XYLT1: variants seen among roughly 807,000 people sequenced by gnomAD.
XYLT1 encodes beta-D-xylosyltransferase 1.
In XYLT1, 36 loss-of-function variants were observed where a neutral mutation model predicts 91.3. The observed-to-expected ratio is 0.39, with a 90% CI of 0.30 to 0.52. The LOEUF (loss-of-function observed/expected upper bound fraction) is 0.52, where lower values mean the gene tolerates loss of function less well. Among genes scored for constraint, XYLT1 ranks in the 20% least tolerant of loss-of-function variants. The pLI is 0.68. For missense variants in XYLT1, 1,242 were observed against 1,284.5 expected (o/e 0.97, Z 0.51); for synonymous variants, 588 against 532.0 (o/e 1.11, Z -1.45).
At chr16:17,216,455 G>A (rs1440033296) in intron 3 of XYLT1, among the ~76,000 whole-genome samples, 2 of 152,090 alleles carry the variant, frequency 1.3e-5, no homozygotes, top group South Asian at 2.1e-4. Flanking sequence ...GGCCATTAAC[G>A]CTGCCTCCTG....
chr16:17,196,042 T>C (rs2032421175), intron 5 of XYLT1, among the ~76,000 whole-genome samples: 1 of 152,242 alleles, frequency 6.6e-6, no homozygotes, highest in Non-Finnish European at 1.5e-5. Flanking sequence ...GTCTTTCTAG[T>C]GCCTGTCATT....
intron 3 of XYLT1, among the ~76,000 whole-genome samples, chr16:17,207,052 CTTTTTTTTTTTT>C (rs1211378641): frequency 2.5e-5 from 3 of 121,086 alleles, no homozygotes; most frequent in African/African-American, 9.4e-5. Flanking sequence ...TCTTTTCTTT[CTTTTTTTTTTTT>C]TTTTTTTTTT....
intron 2 of XYLT1, among the ~76,000 whole-genome samples, chr16:17,297,437 TG>T (rs1567361941): frequency 6.6e-6 from 1 of 151,090 alleles, no homozygotes; most frequent in Non-Finnish European, 1.5e-5. Flanking sequence ...AAAACTTAGC[TG>T]GGTATCATGG....
intron 1 of XYLT1, among the ~76,000 whole-genome samples, chr16:17,399,304 G>C (rs1202847154): frequency 6.6e-6 from 1 of 152,086 alleles, no homozygotes; most frequent in Non-Finnish European, 1.5e-5. Flanking sequence ...TAAAGACCTG[G>C]GTTCTCCCTG....
chr16:17,250,545 T>C (rs2033520987), intron 3 of XYLT1: 2 of 152,220 alleles, frequency 1.3e-5, no homozygotes, highest in African/African-American at 4.8e-5. Context: ...TCTGGCCCTT[T>C]ATAGAAACTG....
chr16:17,188,161 G>A (rs1214519973), intron 5 of XYLT1, among the ~76,000 whole-genome samples: 1 of 152,050 alleles, frequency 6.6e-6, no homozygotes, highest in African/African-American at 2.4e-5. Context: ...AGAATAGGGG[G>A]CTCTGTGGAT....
intron 1 of XYLT1, among the ~76,000 whole-genome samples, chr16:17,463,259 G>A (rs1032297265): frequency 1.3e-5 from 2 of 152,008 alleles, no homozygotes; most frequent in African/African-American, 2.4e-5. Flanking sequence ...GCTTCTGCAC[G>A]GCAAACAATC....
At chr16:17,379,660 A>G (rs67248256) in intron 1 of XYLT1, among the ~76,000 whole-genome samples, 1 of 151,266 alleles carries the variant, frequency 6.6e-6, no homozygotes, top group Non-Finnish European at 1.5e-5. Context: ...TCTGGGCCTC[A>G]TGTTATCCTA....
At chr16:17,161,077 T>G (rs1331470625) in intron 5 of XYLT1, among the ~76,000 whole-genome samples, 1 of 152,172 alleles carries the variant, frequency 6.6e-6, no homozygotes. Context: ...GGGCCGGGGC[T>G]CCTGGGCCCC....
At chr16:17,190,488 C>G (rs1199583894) in intron 5 of XYLT1, among the ~76,000 whole-genome samples, 1 of 145,958 alleles carries the variant, frequency 6.9e-6, no homozygotes, top group Non-Finnish European at 1.5e-5. Context: ...TGTTCCCCAC[C>G]CTGTGTCCAA....
chr16:17,175,937 T>A (rs1449434434), intron 5 of XYLT1, among the ~76,000 whole-genome samples: 1 of 152,146 alleles, frequency 6.6e-6, no homozygotes, highest in Non-Finnish European at 1.5e-5. Flanking sequence ...TGGTGAAATC[T>A]GAAAACGTCT....
At chr16:17,155,422 C>T (rs1597156357) in intron 6 of XYLT1, among the ~76,000 whole-genome samples, 1 of 152,286 alleles carries the variant, frequency 6.6e-6, no homozygotes, top group Middle Eastern at 3.4e-3. Flanking sequence ...TTTTAGTTAC[C>T]TGATCTGGTA....
intron 6 of XYLT1, among the ~76,000 whole-genome samples, chr16:17,141,959 A>G (rs776888509): frequency 1.3e-5 from 2 of 152,182 alleles, no homozygotes; most frequent in African/African-American, 4.8e-5. Context: ...GCTGGAGAGC[A>G]CTAGTGTGAT....
intron 2 of XYLT1, among the ~76,000 whole-genome samples, chr16:17,285,872 C>CTGTG (rs1208598665): frequency 7.1e-5 from 8 of 112,236 alleles, no homozygotes; most frequent in African/African-American, 2.3e-4. Context: ...CCTGGTGTAT[C>CTGTG]TCTGTGTGTG....
intron 5 of XYLT1, among the ~76,000 whole-genome samples, chr16:17,159,618 T>G (rs2031498233): frequency 6.6e-6 from 1 of 152,208 alleles, no homozygotes; most frequent in South Asian, 2.1e-4. Context: ...CAAATGCACT[T>G]TGAGCAATGA....
intron 2 of XYLT1, among the ~76,000 whole-genome samples, chr16:17,299,399 T>C (rs1370757867): frequency 6.6e-6 from 1 of 152,010 alleles, no homozygotes; most frequent in Non-Finnish European, 1.5e-5. Context: ...CAAAATACCA[T>C]GCAGCCCTCT....
chr16:17,229,771 C>T (rs1333491824), intron 3 of XYLT1, among the ~76,000 whole-genome samples: 1 of 152,198 alleles, frequency 6.6e-6, no homozygotes, highest in Non-Finnish European at 1.5e-5. Flanking sequence ...AAAAAATAAG[C>T]TGTATGTGAG....
rs187135830 is a variant in XYLT1 at position 17,227,943 on chromosome 16, T to A, written c.914-27289A>T. ...TTTTTGGTTTGGGCAACTTGGGGAATAACAGGGTTATTCACCTAGGAAAAA... is the reference window on the plus strand; with the variant it reads ...TTTTTGGTTTGGGCAACTTGGGGAAAAACAGGGTTATTCACCTAGGAAAAA... On this transcript the variant is annotated intron_variant, in intron 3 of 11. Transcript: ENST00000261381. 5 of 152,286 alleles carry A rather than the reference T, an allele frequency of 3.3e-5. No individual in the cohort carries two copies. In the East Asian group the frequency reaches 9.7e-4, roughly 29 times the overall value. 9.4% of individuals were successfully genotyped at this position (152,286 alleles called of 1,614,324 possible). A position where few individuals can be genotyped will look rare whatever the true frequency, so the allele number is the denominator to read the frequency against.
At chr16:17,458,231 G>A (rs919926532) in intron 1 of XYLT1, among the ~76,000 whole-genome samples, 4 of 152,106 alleles carry the variant, frequency 2.6e-5, no homozygotes, top group Non-Finnish European at 5.9e-5. Context: ...GTTGTACTGC[G>A]GTTCTGTTAC....
Sources: gnomAD v4.1 joint callset for allele counts (sites outside exome capture counted in the v4.1 genomes callset) on GRCh38, gnomAD v4.1.1 for gene constraint, MANE v1.5 for transcripts, NCBI Gene and HGNC (gene_info 2026-07-23, HGNC 2026-07-21) for gene names.